WWOX: variants seen among roughly 807,000 people sequenced by gnomAD.
WWOX encodes WW domain-containing oxidoreductase.
In WWOX, 69 loss-of-function variants were observed where a neutral mutation model predicts 46.2. That is an observed-to-expected ratio of 1.49 (90% CI 1.23 to 1.82). The LOEUF is 1.82. WWOX is among the 40% of genes most tolerant of loss of function. The pLI is 0.00. For missense variants in WWOX, 919 were observed against 542.6 expected (o/e 1.69, Z -6.89); for synonymous variants, 359 against 202.6 (o/e 1.77, Z -6.56).
intron 8 of WWOX, among the ~76,000 whole-genome samples, chr16:78,851,753 C>T (rs555056004): frequency 2.0e-4 from 31 of 152,180 alleles, no homozygotes; most frequent in African/African-American, 6.0e-4. Context: ...AATTTTGTGC[C>T]CAGTTTATAA....
intron 8 of WWOX, among the ~76,000 whole-genome samples, chr16:78,991,599 T>TAAAA (rs2046887998): frequency 2.1e-4 from 1 of 4,842 alleles, no homozygotes. Context: ...AGACCTTGTC[T>TAAAA]CAAAAAAAAA....
At chr16:78,199,450 C>T (rs9936487) in intron 5 of WWOX, among the ~76,000 whole-genome samples, 3,972 of 152,212 alleles carry the variant, frequency 0.026, 161 homozygotes, top group African/African-American at 0.09. Context: ...AATTTCTAAC[C>T]CAAGGGTCAA....
intron 8 of WWOX, chr16:78,535,389 A>G (rs1294613492): frequency 2.6e-5 from 4 of 152,116 alleles, no homozygotes; most frequent in Admixed American, 2.6e-4. Flanking sequence ...AGCTCCAACT[A>G]CTGACTTTTA....
chr16:78,842,525 A>G (rs548989757), intron 8 of WWOX, among the ~76,000 whole-genome samples: 71 of 152,180 alleles, frequency 4.7e-4, no homozygotes, highest in Admixed American at 2.9e-3. Context: ...AAAAAGTTGG[A>G]AATGAGTGGG....
chr16:79,175,937 A>C (rs1198256753), intron 8 of WWOX, among the ~76,000 whole-genome samples: 1 of 152,074 alleles, frequency 6.6e-6, no homozygotes, highest in African/African-American at 2.4e-5. Flanking sequence ...CCTGAGTTCC[A>C]TTCCTGCCTC....
rs191202312 is a variant in WWOX, at chr16:78,164,088, G to C, written c.410-95G>C. On this transcript the variant is annotated intron_variant, in intron 4 of 8. Transcript: ENST00000566780. ...CAAAATCACCCCTGGTTGAGAACTT[G>C]GGGTAATTTAAGTGGTGCTCCGGTA... 1.2e-4 allele frequency: 131 copies of C among 1,137,992 alleles called. 1 individual carries two copies. The East Asian group carries it at 2.9e-3, about 26-fold the overall frequency. 70.5% of individuals were successfully genotyped at this position (1,137,992 alleles called of 1,614,324 possible). A position where few individuals can be genotyped will look rare whatever the true frequency, so the allele number is the denominator to read the frequency against.
chr16:79,106,805 CTTTTTTTTTT>C (rs75277633), intron 8 of WWOX: 1 of 113,424 alleles, frequency 8.8e-6, no homozygotes, highest in South Asian at 3.1e-4. Context: ...AACTTTTTTT[CTTTTTTTTTT>C]TTTTTTTTTT....
intron 8 of WWOX, among the ~76,000 whole-genome samples, chr16:78,679,327 G>A (rs1029397468): frequency 6.6e-6 from 1 of 152,170 alleles, no homozygotes; most frequent in South Asian, 2.1e-4. Context: ...AAGGCGGGTG[G>A]ATCACCTGAG....
At chr16:78,469,428 AG>A (rs2084168145) in intron 8 of WWOX, among the ~76,000 whole-genome samples, 1 of 152,194 alleles carries the variant, frequency 6.6e-6, no homozygotes, top group Non-Finnish European at 1.5e-5. Context: ...GCAAACCAAA[AG>A]TGAGCAACAA....
intron 8 of WWOX, chr16:79,016,240 C>G (rs944257934): frequency 3.9e-5 from 6 of 152,128 alleles, no homozygotes; most frequent in African/African-American, 1.4e-4. Flanking sequence ...ACAATGAAAT[C>G]ATTAGGGGTT....
rs1002148403 is a variant in WWOX, at chr16:78,347,911, A to G, written c.517-38949A>G. ...TTAAAAGTGGATTCCTCATAAAACA[A>G]TATGGACTATGGTCTTATTCTGTTT... On this transcript the variant is annotated intron_variant, in intron 5 of 8. Transcript: ENST00000566780. 1.2e-4 allele frequency among the ~76,000 whole-genome samples: 15 copies of G among 122,608 alleles called. 2 individuals carry two copies. The East Asian group carries it at 1.9e-3, about 16-fold the overall frequency. The allele number at this position is 122,608 out of a possible 152,430, so 80.4% of individuals were successfully genotyped here. A position where few individuals can be genotyped will look rare whatever the true frequency, so the allele number is the denominator to read the frequency against.
chr16:79,210,471 G>C (rs142860981), intron 8 of WWOX, among the ~76,000 whole-genome samples: 2 of 152,260 alleles, frequency 1.3e-5, no homozygotes, highest in African/African-American at 4.8e-5. Flanking sequence ...GGGTCGGGTC[G>C]GAAAGCCATT....
At chr16:78,566,816 A>G (rs908173132) in intron 8 of WWOX, among the ~76,000 whole-genome samples, 40 of 152,176 alleles carry the variant, frequency 2.6e-4, no homozygotes, top group East Asian at 1.9e-4. Context: ...CTTTTTGCAC[A>G]TTGTTTGATT....
chr16:79,185,193 T>G (rs140609735), intron 8 of WWOX, among the ~76,000 whole-genome samples: 205 of 152,326 alleles, frequency 1.3e-3, no homozygotes, highest in African/African-American at 4.8e-3. Flanking sequence ...TTTCTCCTAG[T>G]TTCAGAATAC....
chr16:79,212,281 C>T lies in WWOX; in HGVS notation c.*485C>T, dbSNP rs1391796082. ...ATTGTTTCATTCATCCTGACCAAGA[C>T]TGAGCCAGCTTAGCAACTGCTGGGG... On this transcript the variant is annotated 3_prime_UTR_variant, in exon 9 of 9. Transcript: ENST00000566780. 3.4e-6 allele frequency: 4 copies of T among 1,171,100 alleles called. No individual in the cohort carries two copies. The allele number at this position is 1,171,100 out of a possible 1,614,324, so 72.5% of individuals were successfully genotyped here.
At chr16:78,493,815 G>A (rs1288801692) in intron 8 of WWOX, among the ~76,000 whole-genome samples, 1 of 152,206 alleles carries the variant, frequency 6.6e-6, no homozygotes, top group Non-Finnish European at 1.5e-5. Flanking sequence ...GTGTGAGCCT[G>A]TAGAGTCCGT....
intron 8 of WWOX, among the ~76,000 whole-genome samples, chr16:78,792,632 T>C (rs1346436128): frequency 6.6e-6 from 1 of 152,182 alleles, no homozygotes; most frequent in East Asian, 1.9e-4. Context: ...AACAGAATTA[T>C]AATTATTTTA....
intron 8 of WWOX, among the ~76,000 whole-genome samples, chr16:78,974,394 G>A (rs530386195): frequency 3.3e-5 from 5 of 152,254 alleles, no homozygotes; most frequent in Admixed American, 6.5e-5. Flanking sequence ...CCTAGTACCT[G>A]CCTTGCTATA....
intron 8 of WWOX, among the ~76,000 whole-genome samples, chr16:78,774,484 G>A (rs989197350): frequency 2.0e-5 from 3 of 150,120 alleles, no homozygotes; most frequent in Admixed American, 6.7e-5. Context: ...GCAGTTTCTT[G>A]ACAGACCCAT....
Sources: allele counts gnomAD v4.1 joint callset (sites outside exome capture counted in the v4.1 genomes callset), GRCh38; gene constraint gnomAD v4.1.1; transcripts MANE v1.5; gene names NCBI Gene and HGNC (gene_info 2026-07-23, HGNC 2026-07-21).